Variants in BTBD9 observed in about 807,000 individuals in gnomAD.
BTBD9 encodes the protein BTB/POZ domain-containing protein 9.
Under a neutral mutation model 64.3 loss-of-function variants are expected in BTBD9, and 49 were observed. That is an observed-to-expected ratio of 0.76 (90% CI 0.61 to 0.97). The LOEUF (loss-of-function observed/expected upper bound fraction) is 0.97. BTBD9 is among the 50% of genes least tolerant of loss of function. BTBD9 has a pLI of 0.00. For synonymous variants in BTBD9, 260 were observed against 274.7 expected (o/e 0.95, Z 0.53); for missense variants, 598 against 762.1 (o/e 0.78, Z 2.53).
intron 7 of BTBD9, among the ~76,000 whole-genome samples, chr6:38,299,427 G>A (rs1249530530): frequency 3.9e-5 from 6 of 151,934 alleles, no homozygotes; most frequent in African/African-American, 1.2e-4. Context: ...CTGAGGAATC[G>A]CCACACTGAC....
At chr6:38,239,327 C>G (rs1359397781) in intron 9 of BTBD9, among the ~76,000 whole-genome samples, 1 of 151,166 alleles carries the variant, frequency 6.6e-6, no homozygotes, top group African/African-American at 2.4e-5. Context: ...GCAGTCCCAG[C>G]TACTTGGGAG....
intron 6 of BTBD9, among the ~76,000 whole-genome samples, chr6:38,535,944 C>T (rs1422222423): frequency 1.3e-5 from 2 of 152,082 alleles, no homozygotes; most frequent in Non-Finnish European, 2.9e-5. Flanking sequence ...GCAGAGATTT[C>T]TTGAGTAATC....
intron 6 of BTBD9, among the ~76,000 whole-genome samples, chr6:38,504,986 A>C (rs927816036): frequency 1.3e-5 from 2 of 152,222 alleles, no homozygotes; most frequent in Non-Finnish European, 2.9e-5. Context: ...AAATTCATAG[A>C]CACTTTTCTG....
chr6:38,265,500 CTTT>C (rs369951977), intron 8 of BTBD9, among the ~76,000 whole-genome samples: 8 of 133,894 alleles, frequency 6.0e-5, no homozygotes, highest in Admixed American at 2.3e-4. Context: ...AACTACCAAT[CTTT>C]TTTTTTTTTT....
chr6:38,551,098 C>T (rs970126915), intron 6 of BTBD9, among the ~76,000 whole-genome samples: 15 of 151,366 alleles, frequency 9.9e-5, no homozygotes, highest in African/African-American at 3.4e-4. Context: ...AAATTGCAAA[C>T]CCACCCCATA....
chr6:38,481,129 G>C (rs1185525310), intron 6 of BTBD9, among the ~76,000 whole-genome samples: 2 of 151,730 alleles, frequency 1.3e-5, no homozygotes, highest in African/African-American at 2.4e-5. Context: ...TTATTCTAAC[G>C]TGAGAGGAGC....
chr6:38,418,144 T>C (rs555894589), intron 6 of BTBD9, among the ~76,000 whole-genome samples: 47 of 152,160 alleles, frequency 3.1e-4, no homozygotes, highest in Admixed American at 2.6e-4. Flanking sequence ...GGGAAAAATA[T>C]AAAGGATCTT....
chr6:38,180,754 A>G (rs1265213969), intron 10 of BTBD9, among the ~76,000 whole-genome samples: 1 of 152,172 alleles, frequency 6.6e-6, no homozygotes, highest in Non-Finnish European at 1.5e-5. Context: ...GTATCCCATT[A>G]GCCTGTTTGA....
At chr6:38,529,472 G>C (rs564814789) in intron 6 of BTBD9, among the ~76,000 whole-genome samples, 16 of 152,170 alleles carry the variant, frequency 1.1e-4, no homozygotes, top group Non-Finnish European at 2.2e-4. Context: ...AAGAAGGACA[G>C]ATACAGACAA....
intron 9 of BTBD9, among the ~76,000 whole-genome samples, chr6:38,250,889 A>AG (rs1764370850): frequency 1.3e-5 from 2 of 152,088 alleles, no homozygotes; most frequent in Admixed American, 1.3e-4. Flanking sequence ...TGACCAACGT[A>AG]GGGAAACCCT....
intron 9 of BTBD9, among the ~76,000 whole-genome samples, chr6:38,247,499 A>C (rs1320588345): frequency 1.3e-5 from 2 of 152,222 alleles, no homozygotes; most frequent in East Asian, 3.9e-4. Flanking sequence ...GGAGACAGTC[A>C]AGGTGCTTCT....
At chr6:38,277,763 A>G (rs1761335780) in intron 8 of BTBD9, among the ~76,000 whole-genome samples, 3 of 152,224 alleles carry the variant, frequency 2.0e-5, no homozygotes, top group Non-Finnish European at 4.4e-5. Flanking sequence ...CCCCCACTGA[A>G]TTATATACTT....
intron 7 of BTBD9, among the ~76,000 whole-genome samples, chr6:38,297,680 A>C (rs1762208072): frequency 6.6e-6 from 1 of 152,176 alleles, no homozygotes; most frequent in Non-Finnish European, 1.5e-5. Context: ...GATTTTTAAA[A>C]GATTCAGTGT....
At chr6:38,202,454 T>A (rs1373472397) in intron 9 of BTBD9, among the ~76,000 whole-genome samples, 2 of 151,928 alleles carry the variant, frequency 1.3e-5, no homozygotes, top group Non-Finnish European at 2.9e-5. Flanking sequence ...AGAGCCAGTA[T>A]AGCTAAAGCA....
At chr6:38,306,682 A>T (rs192298261) in intron 7 of BTBD9, among the ~76,000 whole-genome samples, 2 of 152,334 alleles carry the variant, frequency 1.3e-5, no homozygotes, top group East Asian at 3.9e-4. Flanking sequence ...AAAAGGCAGT[A>T]TTACTTCAGT....
At chr6:38,564,784 C>T (rs1252519635) in intron 6 of BTBD9, among the ~76,000 whole-genome samples, 8 of 151,938 alleles carry the variant, frequency 5.3e-5, no homozygotes, top group African/African-American at 1.5e-4. Flanking sequence ...CCCAGCTACT[C>T]GGGAGGCTGA....
chr6:38,236,779 A>C (rs541915384), intron 9 of BTBD9, among the ~76,000 whole-genome samples: 1 of 152,332 alleles, frequency 6.6e-6, no homozygotes, highest in Non-Finnish European at 1.5e-5. Flanking sequence ...AGTGCATTTC[A>C]TGTGCAGAGT....
At chr6:38,583,628 T>C (rs1776390265) in intron 4 of BTBD9, among the ~76,000 whole-genome samples, 1 of 152,202 alleles carries the variant, frequency 6.6e-6, no homozygotes, top group Non-Finnish European at 1.5e-5. Context: ...AAGCTAGGGG[T>C]AACATACCAG....
At chr6:38,322,423 C>T (rs1403039157) in intron 7 of BTBD9, among the ~76,000 whole-genome samples, 1 of 152,146 alleles carries the variant, frequency 6.6e-6, no homozygotes, top group East Asian at 1.9e-4. Context: ...GATTAACTAA[C>T]CTATCCCTTT....
Sources: gnomAD v4.1 joint callset for allele counts (sites outside exome capture counted in the v4.1 genomes callset) on GRCh38, gnomAD v4.1.1 for gene constraint, MANE v1.5 for transcripts, NCBI Gene and HGNC (gene_info 2026-07-23, HGNC 2026-07-21) for gene names.